Variants in SLC1A2 observed in about 807,000 individuals in gnomAD.
SLC1A2 encodes solute carrier family 1 member 2.
SLC1A2 carries 15 observed loss-of-function variants against 48.8 expected under a neutral mutation model. That is an observed-to-expected ratio of 0.31 (90% CI 0.21 to 0.47). The LOEUF is 0.47. SLC1A2 is among the 20% of genes least tolerant of loss of function. The pLI, the probability that SLC1A2 is intolerant of heterozygous loss-of-function variation, is 0.99. For missense variants in SLC1A2, 502 were observed against 730.5 expected (o/e 0.69, Z 3.61); for synonymous variants, 279 against 272.6 (o/e 1.02, Z -0.23).
rs117089761 is a variant in SLC1A2 at position 35,293,941 on chromosome 11, G to A, written c.858-1421C>T. ...AGATATGTATGTCAAGGCTCAGAGC[G>A]GCTAACTCCAACCTCATGGAGATGC... On this transcript the variant is annotated intron_variant, in intron 6 of 10. Transcript: ENST00000278379. Among the ~76,000 whole-genome samples the A allele has an allele frequency of 4.5e-3, 689 of 152,246 alleles. 8 individuals are homozygous for A. The highest frequency in any genetic ancestry group is 0.016 in the South Asian group (76 of 4,810).
chr11:35,320,190 C>A (rs1852009851), intron 1 of SLC1A2, among the ~76,000 whole-genome samples: 1 of 152,144 alleles, frequency 6.6e-6, no homozygotes, highest in South Asian at 2.1e-4. Flanking sequence ...AAAATGTGTT[C>A]ACACAAACAG....
chr11:35,334,606 C>T (rs570177073), intron 1 of SLC1A2, among the ~76,000 whole-genome samples: 4 of 152,114 alleles, frequency 2.6e-5, no homozygotes, highest in Admixed American at 6.5e-5. Flanking sequence ...CAGGTTACAG[C>T]GGGTGGAGGA....
intron 3 of SLC1A2, among the ~76,000 whole-genome samples, 180 bp from the exon 4 acceptor site, chr11:35,312,628 C>T (rs541114170): frequency 3.0e-4 from 45 of 152,306 alleles, no homozygotes; most frequent in Non-Finnish European, 4.6e-4. Context: ...CCAACAGATA[C>T]CAAAATCTGA....
intron 5 of SLC1A2, 65 bp from the exon 6 acceptor site, chr11:35,301,710 C>T: frequency 6.7e-7 from 1 of 1,496,724 alleles, no homozygotes; most frequent in South Asian, 1.2e-5. Flanking sequence ...CTCCCTCATT[C>T]TTTACCATTC....
At chr11:35,410,795 T>C (rs1855434585) in intron 1 of SLC1A2, among the ~76,000 whole-genome samples, 1 of 152,178 alleles carries the variant, frequency 6.6e-6, no homozygotes, top group Admixed American at 6.5e-5. Context: ...CCAGAGCTCC[T>C]TGTGGGTGGG....
chr11:35,398,075 T>C (rs1308600971), intron 1 of SLC1A2, among the ~76,000 whole-genome samples: 1 of 152,172 alleles, frequency 6.6e-6, no homozygotes, highest in Non-Finnish European at 1.5e-5. Flanking sequence ...TTGACTGTGG[T>C]CCTCAGGATA....
intron 1 of SLC1A2, among the ~76,000 whole-genome samples, chr11:35,378,544 G>T (rs1854315467): frequency 6.6e-6 from 1 of 152,182 alleles, no homozygotes; most frequent in Non-Finnish European, 1.5e-5. Context: ...AGGAATAACT[G>T]AAAATTTTCA....
intron 1 of SLC1A2, among the ~76,000 whole-genome samples, chr11:35,341,820 G>A (rs1366758670): frequency 6.6e-6 from 1 of 152,162 alleles, no homozygotes; most frequent in Non-Finnish European, 1.5e-5. Context: ...TCGATTCTTT[G>A]CAGAATTGTT....
intron 6 of SLC1A2, among the ~76,000 whole-genome samples, chr11:35,293,943 C>T (rs1222579044): frequency 1.3e-5 from 2 of 152,170 alleles, no homozygotes; most frequent in South Asian, 4.1e-4. Flanking sequence ...CTCAGAGCGG[C>T]TAACTCCAAC....
intron 1 of SLC1A2, among the ~76,000 whole-genome samples, chr11:35,361,088 G>A (rs909547608): frequency 6.6e-6 from 1 of 151,880 alleles, no homozygotes; most frequent in Non-Finnish European, 1.5e-5. Flanking sequence ...GTTGGCCAGG[G>A]TGGTCTCAAA....
At chr11:35,412,668 C>T (rs1855495897) in intron 1 of SLC1A2, among the ~76,000 whole-genome samples, 1 of 152,234 alleles carries the variant, frequency 6.6e-6, no homozygotes, top group African/African-American at 2.4e-5. Flanking sequence ...AGACCAGTCG[C>T]TGTTTCAGTA....
chr11:35,419,072 G>C lies in SLC1A2; in HGVS notation c.-106C>G. On this transcript the variant is annotated 5_prime_UTR_variant, in exon 1 of 11. Coordinates refer to ENST00000278379, the MANE Select transcript of SLC1A2 (RefSeq NM_004171.4). The surrounding 1 kb of genome is among the most constrained non-coding windows in gnomAD (Gnocchi z 5.4). ...AAGTGCGGCCGGGAGCGGTATTTAAGAGGAGCCTCTGCCCGCCCTTCCACC... is the reference window on the plus strand; with the variant it reads ...AAGTGCGGCCGGGAGCGGTATTTAACAGGAGCCTCTGCCCGCCCTTCCACC... 5 of 1,027,198 alleles carry C rather than the reference G, an allele frequency of 4.9e-6. No individual in the cohort carries two copies. The highest frequency in any genetic ancestry group is 7.2e-6 in the Non-Finnish European group (5 of 697,096). The allele number at this position is 1,027,198 out of a possible 1,614,324, so 63.6% of individuals were successfully genotyped here.
intron 1 of SLC1A2, among the ~76,000 whole-genome samples, chr11:35,383,053 A>T (rs1294053931): frequency 6.6e-6 from 1 of 152,226 alleles, no homozygotes; most frequent in Non-Finnish European, 1.5e-5. Context: ...ATGACAGAGG[A>T]ATTTTAGGCA....
At chr11:35,347,618 T>A (rs1267997434) in intron 1 of SLC1A2, among the ~76,000 whole-genome samples, 1 of 152,274 alleles carries the variant, frequency 6.6e-6, no homozygotes, top group East Asian at 1.9e-4. Context: ...CCTTCCTTGC[T>A]TTCAATAGTT....
chr11:35,414,492 T>C (rs908286147), intron 1 of SLC1A2, among the ~76,000 whole-genome samples: 3 of 152,172 alleles, frequency 2.0e-5, no homozygotes, highest in African/African-American at 4.8e-5. Flanking sequence ...CTTTAATTAA[T>C]TCGTTCCAAG....
At position 35,253,646 on chromosome 11, in the gene SLC1A2, T is replaced by C. The variant is rs537290580; in HGVS notation, c.*7248A>G. On this transcript the variant is annotated 3_prime_UTR_variant, in exon 11 of 11. Coordinates refer to ENST00000278379, the MANE Select transcript of SLC1A2 (RefSeq NM_004171.4). ...AAGGGATTTAAGCAATTCCTTGTTC[T>C]TAATGGTTCATTTTGTTTATTGCAT... is the stretch of plus-strand genomic sequence containing the variant. The C allele has an allele frequency of 6.5e-6, 1 of 152,804 alleles. No individual in the cohort carries two copies. The highest frequency in any genetic ancestry group is 2.4e-5 in the African/African-American group (1 of 41,596). 9.5% of individuals were successfully genotyped at this position (152,804 alleles called of 1,614,324 possible). A position where few individuals can be genotyped will look rare whatever the true frequency, so the allele number is the denominator to read the frequency against.
intron 8 of SLC1A2, among the ~76,000 whole-genome samples, chr11:35,284,089 A>ATG (rs1850733061): frequency 7.9e-6 from 1 of 126,274 alleles, no homozygotes; most frequent in Non-Finnish European, 1.6e-5. Context: ...AGATTTTATT[A>ATG]TATATATATA....
chr11:35,340,122 T>C (rs189700944), intron 1 of SLC1A2, among the ~76,000 whole-genome samples: 1 of 152,258 alleles, frequency 6.6e-6, no homozygotes, highest in Non-Finnish European at 1.5e-5. Context: ...TGCTCACGTG[T>C]CACTTCTCTG....
chr11:35,368,335 C>A (rs2135154917), intron 1 of SLC1A2, among the ~76,000 whole-genome samples: 1 of 152,316 alleles, frequency 6.6e-6, no homozygotes, highest in Non-Finnish European at 1.5e-5. Context: ...CACTTCCTAG[C>A]TGTGTGATTT....
Sources: gnomAD v4.1 joint callset for allele counts (sites outside exome capture counted in the v4.1 genomes callset) on GRCh38, gnomAD v4.1.1 for gene constraint, Gnocchi (gnomAD v3.1) non-coding constraint, MANE v1.5 for transcripts, NCBI Gene and HGNC (gene_info 2026-07-23, HGNC 2026-07-21) for gene names.